LNPK: variants seen among roughly 807,000 people sequenced by gnomAD.
LNPK encodes the protein endoplasmic reticulum junction formation protein lunapark.
Under a neutral mutation model 55.2 loss-of-function variants are expected in LNPK, and 29 were observed. The observed-to-expected ratio is 0.53, with a 90% CI of 0.39 to 0.72. The LOEUF is 0.72. Among genes scored for constraint, LNPK ranks in the 30% least tolerant of loss-of-function variants. The pLI is 0.00. For missense variants in LNPK, 467 were observed against 494.8 expected (o/e 0.94, Z 0.53); for synonymous variants, 162 against 168.2 (o/e 0.96, Z 0.29).
At chr2:175,933,673 TAC>T (rs1424633972) in intron 12 of LNPK, among the ~76,000 whole-genome samples, 2 of 150,748 alleles carry the variant, frequency 1.3e-5, no homozygotes, top group Non-Finnish European at 3.0e-5. Context: ...TTCATCAACA[TAC>T]AGAATACCAT....
chr2:175,955,913 G>A (rs977205319), intron 8 of LNPK, among the ~76,000 whole-genome samples: 1 of 152,162 alleles, frequency 6.6e-6, no homozygotes, highest in Admixed American at 6.5e-5. Context: ...TAGTAAAGGT[G>A]CAGGGCTGAG....
At chr2:175,949,409 T>C (rs1164540308) in intron 8 of LNPK, among the ~76,000 whole-genome samples, 1 of 152,156 alleles carries the variant, frequency 6.6e-6, no homozygotes, top group Non-Finnish European at 1.5e-5. Flanking sequence ...TAATTTAAAC[T>C]ACTCATTTAA....
chr2:175,994,144 C>T (rs1208331237), intron 2 of LNPK: 4 of 974,722 alleles, frequency 4.1e-6, no homozygotes, highest in Non-Finnish European at 4.9e-6. Flanking sequence ...CAATTACATA[C>T]TCAACAATCC....
intron 1 of LNPK, among the ~76,000 whole-genome samples, chr2:175,997,001 A>G (rs1321813478): frequency 2.0e-5 from 3 of 152,194 alleles, no homozygotes; most frequent in African/African-American, 7.2e-5. Flanking sequence ...CACACTTCTC[A>G]TATTTTTTAA....
rs543592025 is a variant in LNPK, at chr2:175,924,432, A to G, written c.*5535T>C. ...GTTGCTGTCCACTGGAAATAAAAGT[A>G]GACTTATAAGGTCTTATTTTTTAAA... On this transcript the variant is annotated 3_prime_UTR_variant, in exon 13 of 13. Transcript: ENST00000272748. The G allele has an allele frequency of 6.6e-6, 1 of 152,226 alleles. No individual in the cohort carries two copies. The highest frequency in any genetic ancestry group is 2.4e-5 in the African/African-American group (1 of 41,458). The allele number at this position is 152,226 out of a possible 1,614,324, so 9.4% of individuals were successfully genotyped here. A position where few individuals can be genotyped will look rare whatever the true frequency, so the allele number is the denominator to read the frequency against.
At chr2:175,974,776 T>C (rs960413447) in intron 5 of LNPK, among the ~76,000 whole-genome samples, 1 of 152,070 alleles carries the variant, frequency 6.6e-6, no homozygotes, top group Non-Finnish European at 1.5e-5. Context: ...AAAAATACTA[T>C]GTGACTGCAA....
rs1684496015 is a variant in LNPK, at chr2:175,935,437, T to C, written c.1054+1907A>G. ...AAACAAATGCAGCTTCATCTGTTCA[T>C]CAGATATACTTCTAGTTGTTTACTA... is the stretch of plus-strand genomic sequence containing the variant. On this transcript the variant is annotated intron_variant, in intron 12 of 12. Transcript: ENST00000272748. 2.0e-5 allele frequency among the ~76,000 whole-genome samples: 3 copies of C among 152,196 alleles called. No homozygotes were observed. In the South Asian group the frequency reaches 6.2e-4, roughly 31 times the overall value.
chr2:175,949,265 T>C (rs912942603), intron 8 of LNPK, among the ~76,000 whole-genome samples: 1 of 152,078 alleles, frequency 6.6e-6, no homozygotes, highest in East Asian at 1.9e-4. Flanking sequence ...ACAAATCATA[T>C]CCTAACGTCT....
Position 175,947,481 on chromosome 2 carries a change from C to T in LNPK, c.705G>A (p.Met235Ile). 6.2e-7 allele frequency: 1 copy of T among 1,611,152 alleles called. No individual in the cohort carries two copies. The highest frequency in any genetic ancestry group is 1.7e-5 in the Admixed American group (1 of 60,006). Reference sequence around the variant, plus strand: ...AATAACATTAAGTGCTCTGTTTACCCATTCCAGGCACTGAAGTAGCAGGGG... The same window carrying T: ...AATAACATTAAGTGCTCTGTTTACCTATTCCAGGCACTGAAGTAGCAGGGG... ...LGSPATSVPG[M>I]GLHPPGPPLA... Residue 235 changes from methionine to isoleucine, a missense_variant and splice_region_variant, in exon 9 of 13, where the codon ATG (methionine) becomes ATA (isoleucine). Transcript: ENST00000272748.
Position 175,930,104 on chromosome 2 carries a change from A to T in LNPK, c.1150T>A (p.Ser384Thr). 6.2e-7 allele frequency: 1 copy of T among 1,614,022 alleles called. No homozygotes were observed. The highest frequency in any genetic ancestry group is 8.5e-7 in the Non-Finnish European group (1 of 1,179,952). Residue 384 changes from serine to threonine, a missense_variant, in exon 13 of 13, where the codon TCT (serine) becomes ACT (threonine). By Grantham distance (58) the Ser-to-Thr change is moderately conservative. Coordinates refer to ENST00000272748, the MANE Select transcript of LNPK (RefSeq NM_030650.3). The part of the protein sequence containing the change: ...EQTNQVIEKA[S>T]DSEEPEEKQE... ...TTCTCCTCTGGTTCCTCTGAGTCAG[A>T]TGCTTTTTCAATCACTTGGTTTGTC...
At position 175,991,690 on chromosome 2, in the gene LNPK, T is replaced by C. The variant is rs115224628; in HGVS notation, c.257+541A>G. On this transcript the variant is annotated intron_variant, in intron 4 of 12. Transcript: ENST00000272748. Reference sequence around the variant, plus strand: ...CCAATGTCTAAACAACTGGTACCCATAAATGCTTGTTGACTGAATAAACAA... The same window carrying C: ...CCAATGTCTAAACAACTGGTACCCACAAATGCTTGTTGACTGAATAAACAA... 6.9e-3 allele frequency among the ~76,000 whole-genome samples: 1,053 copies of C among 152,330 alleles called. 17 individuals are homozygous for C. The highest frequency in any genetic ancestry group is 0.024 in the African/African-American group (1,008 of 41,572).
At chr2:175,944,609 T>C (rs1268150103) in intron 9 of LNPK, among the ~76,000 whole-genome samples, 2 of 152,148 alleles carry the variant, frequency 1.3e-5, no homozygotes, top group East Asian at 3.9e-4. Flanking sequence ...TGGGCAGCAA[T>C]GGAGGTTTAC....
chr2:175,990,214 G>T (rs1687639185), intron 4 of LNPK, among the ~76,000 whole-genome samples: 1 of 152,148 alleles, frequency 6.6e-6, no homozygotes, highest in African/African-American at 2.4e-5. Flanking sequence ...TTGGGTCATG[G>T]GGGCGGATCT....
intron 9 of LNPK, chr2:175,940,868 A>T (rs1684802477): frequency 2.8e-6 from 1 of 350,906 alleles, no homozygotes; most frequent in African/African-American, 2.2e-5. Context: ...TGTCTAGTAT[A>T]AAAAAAATCC....
At chr2:175,984,959 A>G (rs1687337190) in intron 4 of LNPK, among the ~76,000 whole-genome samples, 1 of 152,240 alleles carries the variant, frequency 6.6e-6, no homozygotes, top group Non-Finnish European at 1.5e-5. Flanking sequence ...AACAATGCAA[A>G]TGCTCTTCAG....
chr2:175,943,688 A>T (rs1307870564), intron 9 of LNPK, among the ~76,000 whole-genome samples: 6 of 152,098 alleles, frequency 3.9e-5, no homozygotes, highest in African/African-American at 1.2e-4. Flanking sequence ...ATCTCAATAG[A>T]TGTAGAAACA....
chr2:175,992,493 C>A (rs1389770853), intron 3 of LNPK, 75 bp from the exon 4 acceptor site: 5 of 894,356 alleles, frequency 5.6e-6, no homozygotes, highest in Non-Finnish European at 8.0e-6. Flanking sequence ...AAAATTTTAG[C>A]AGGAAAGATA....
At chr2:175,985,513 T>A (rs906720918) in intron 4 of LNPK, among the ~76,000 whole-genome samples, 1 of 152,218 alleles carries the variant, frequency 6.6e-6, no homozygotes, top group African/African-American at 2.4e-5. Context: ...TACATTCACT[T>A]TGGGTCAGTT....
rs146341005 is a variant in LNPK at position 175,975,080 on chromosome 2, C to T, written c.317-4276G>A. 6.7e-4 allele frequency among the ~76,000 whole-genome samples: 100 copies of T among 149,604 alleles called. No individual in the cohort carries two copies. The Middle Eastern group carries it at 0.011, about 16-fold the overall frequency. ...AAGCATATTTGCTTTCAACTTCTTC[C>T]TATTCTTCCACCATCTGCTATATTA... On this transcript the variant is annotated intron_variant, in intron 5 of 12. Coordinates refer to ENST00000272748, the MANE Select transcript of LNPK (RefSeq NM_030650.3).
Sources: gnomAD v4.1 joint callset for allele counts (sites outside exome capture counted in the v4.1 genomes callset) on GRCh38, gnomAD v4.1.1 for gene constraint, MANE v1.5 for transcripts, NCBI Gene and HGNC (gene_info 2026-07-23, HGNC 2026-07-21) for gene names.